The following IQCF5 variants were observed in gnomAD, a reference collection of about 807,000 sequenced individuals.
The protein encoded by IQCF5 is IQ domain-containing protein F5.
In IQCF5, 2 loss-of-function variants were observed where a neutral mutation model predicts 3.4. The ratio of observed to expected loss-of-function variants is 0.58; its 90% CI spans 0.24 to 1.84. IQCF5 has a LOEUF of 1.84. IQCF5 is among the 40% of genes most tolerant of loss of function. The pLI, the probability that IQCF5 is intolerant of heterozygous loss-of-function variation, is 0.17. For missense variants in IQCF5, 167 were observed against 191.6 expected (o/e 0.87, Z 0.76); for synonymous variants, 58 against 64.7 (o/e 0.90, Z 0.49).
chr3:51,875,358 C>A, intron 1 of IQCF5, 170 bp downstream of exon 1: 2 of 728,754 alleles, frequency 2.7e-6, no homozygotes, highest in Non-Finnish European at 4.8e-6. Flanking sequence ...TTCTAGACAG[C>A]TTCCTGGCTT....
In IQCF5 at chr3:51,873,915, G is replaced by C; in HGVS notation, c.265C>G (p.Arg89Gly). 6.4e-7 allele frequency: 1 copy of C among 1,551,798 alleles called. No individual in the cohort carries two copies. The highest frequency in any genetic ancestry group is 8.7e-7 in the Non-Finnish European group (1 of 1,147,042). The change falls in exon 2 of 2, where the codon CGT (arginine) becomes GGT (glycine). Residue 89 changes from arginine (R) to glycine (G), a missense_variant. By Grantham distance (125) the Arg-to-Gly change is moderately radical. Transcript: ENST00000446461. Reference protein sequence around the residue: ...RMWCVRQRYCRLLNAVRIIQV... With the variant: ...RMWCVRQRYCGLLNAVRIIQV... ...ATGATGCGGACAGCGTTGAGCAAAC[G>C]ACAGTAACGCTGGCGGACACACCAC...
intron 1 of IQCF5, chr3:51,875,234 C>T (rs11709079): frequency 9.9e-6 from 4 of 404,938 alleles, no homozygotes; most frequent in African/African-American, 6.2e-5. Context: ...GTTTAATGAT[C>T]ATTTAAAACA....
chr3:51,874,747 C>T, intron 1 of IQCF5: 1 of 286,234 alleles, frequency 3.5e-6, no homozygotes, highest in East Asian at 8.4e-5. Flanking sequence ...CTGCATTCCC[C>T]ACAGTCCCCA....
intron 1 of IQCF5, 44 bp from the exon 2 acceptor site, chr3:51,874,219 G>T: frequency 1.3e-6 from 2 of 1,518,534 alleles, no homozygotes; most frequent in Non-Finnish European, 1.8e-6. Flanking sequence ...CTAGGAAGGG[G>T]CCCTGATCCT....
intron 1 of IQCF5, chr3:51,875,275 G>C: frequency 5.5e-6 from 3 of 547,620 alleles, no homozygotes. Context: ...CAGAGTGTAT[G>C]GGGGGAAATA....
chr3:51,874,306 T>TC, intron 1 of IQCF5, 131 bp from the exon 2 acceptor site: 2 of 906,764 alleles, frequency 2.2e-6, no homozygotes, highest in East Asian at 2.6e-5. Context: ...CAGGTAGGTG[T>TC]CCCCCCTCTG....
chr3:51,875,392 G>A, intron 1 of IQCF5, 136 bp downstream of exon 1: 2 of 926,562 alleles, frequency 2.2e-6, no homozygotes, highest in Non-Finnish European at 3.4e-6. Flanking sequence ...AAACATGGAG[G>A]GGGGTCCTGT....
At chr3:51,875,417 G>A (rs1698785468) in intron 1 of IQCF5, 111 bp downstream of exon 1, 2 of 1,180,846 alleles carry the variant, frequency 1.7e-6, no homozygotes, top group East Asian at 5.1e-5. Context: ...AGTAACTGTG[G>A]GGAACTTACT....
intron 1 of IQCF5, chr3:51,875,025 G>A (rs893479527): frequency 5.4e-6 from 1 of 184,956 alleles, no homozygotes; most frequent in African/African-American, 2.4e-5. Flanking sequence ...AAATTACAGG[G>A]TCATAGATCT....
At chr3:51,874,313 T>G (rs1169357017) in intron 1 of IQCF5, 138 bp from the exon 2 acceptor site, 3 of 836,552 alleles carry the variant, frequency 3.6e-6, no homozygotes, top group Non-Finnish European at 5.9e-6. Flanking sequence ...GTGTCCCCCC[T>G]CTGCCACCCA....
chr3:51,874,290 G>A, intron 1 of IQCF5, 115 bp from the exon 2 acceptor site: 2 of 1,060,588 alleles, frequency 1.9e-6, no homozygotes, highest in Non-Finnish European at 2.8e-6. Flanking sequence ...GCTGAACCCA[G>A]GAGACCAGGT....
chr3:51,874,312 C>G, intron 1 of IQCF5, 137 bp from the exon 2 acceptor site: 2 of 835,352 alleles, frequency 2.4e-6, no homozygotes, highest in Non-Finnish European at 3.9e-6. Flanking sequence ...GGTGTCCCCC[C>G]TCTGCCACCC....
rs1387451410 is a variant in IQCF5, at chr3:51,873,729, C to T, written c.*4G>A. The T allele has an allele frequency of 6.5e-7, 1 of 1,543,648 alleles. No individual in the cohort carries two copies. Among genetic ancestry groups the T allele is most frequent in the Non-Finnish European group, 8.8e-7 (1 of 1,140,532 alleles). ...AGCTGGGGACACAGATATAGCAGAC[C>T]TGGTCATTCTTTTAATGGAAGGGGT... On this transcript the variant is annotated 3_prime_UTR_variant, in exon 2 of 2. Transcript: ENST00000446461.
chr3:51,873,900 C>T lies in IQCF5; in HGVS notation c.280G>A (p.Val94Ile). The T allele has an allele frequency of 6.4e-7, 1 of 1,551,788 alleles. No individual in the cohort carries two copies. The highest frequency in any genetic ancestry group is 8.7e-7 in the Non-Finnish European group (1 of 1,147,024). Residue 94 changes from valine (V) to isoleucine (I), a missense_variant, in exon 2 of 2, where the codon GTC becomes ATC. By Grantham distance (29) the Val-to-Ile change is conservative (BLOSUM62 3). Coordinates refer to ENST00000446461, the MANE Select transcript of IQCF5 (RefSeq NM_001145059.2). Reference protein sequence around the residue: ...RQRYCRLLNAVRIIQVYWRWH... With the variant: ...RQRYCRLLNAIRIIQVYWRWH... ...CGCCAATAGACCTGGATGATGCGGA[C>T]AGCGTTGAGCAAACGACAGTAACGC...
intron 1 of IQCF5, 133 bp downstream of exon 1, chr3:51,875,395 G>T: frequency 1.1e-6 from 1 of 936,778 alleles, no homozygotes; most frequent in Admixed American, 2.0e-5. Context: ...CATGGAGGGG[G>T]GTCCTGTCAT....
In IQCF5 at chr3:51,873,903, C is replaced by T. The variant is rs1443032276; in HGVS notation, c.277G>A (p.Ala93Thr). The T allele has an allele frequency of 3.2e-6, 5 of 1,551,656 alleles. No individual in the cohort carries two copies. Among genetic ancestry groups the T allele is most frequent in the African/African-American group, 1.4e-5 (1 of 73,064 alleles). The change falls in exon 2 of 2, where the codon GCT becomes ACT. Residue 93 changes from alanine (A) to threonine (T), a missense_variant. Ala to Thr is a moderately conservative substitution (Grantham distance 58, BLOSUM62 0). Transcript: ENST00000446461. ...VRQRYCRLLN[A>T]VRIIQVYWRW... ...CAATAGACCTGGATGATGCGGACAGCGTTGAGCAAACGACAGTAACGCTGG... is the reference window on the plus strand; with the variant it reads ...CAATAGACCTGGATGATGCGGACAGTGTTGAGCAAACGACAGTAACGCTGG...
At chr3:51,874,810 C>G (rs374214829) in intron 1 of IQCF5, 1 of 203,962 alleles carries the variant, frequency 4.9e-6, no homozygotes, top group African/African-American at 2.3e-5. Flanking sequence ...TGCCCCACTC[C>G]TGGCCACAGT....
Position 51,874,079 on chromosome 3 carries a change from G to T in IQCF5, c.101C>A (p.Ala34Glu), listed in dbSNP as rs574300905. 7.7e-6 allele frequency: 12 copies of T among 1,553,204 alleles called. No homozygotes were observed. The South Asian group carries it at 1.3e-4, about 17-fold the overall frequency. The change falls in exon 2 of 2, where the codon GCA (alanine) becomes GAA (glutamate). Residue 34 changes from alanine to glutamate, a missense_variant. Transcript: ENST00000446461. ...CTGAATGATCCAAGCCCTGAGGGCT[G>T]CATGCAGCAGTGTGCGTCGCACCAG... is the stretch of plus-strand genomic sequence containing the variant. Reference protein sequence around the residue: ...GMLVRRTLLHAALRAWIIQCW... With the variant: ...GMLVRRTLLHEALRAWIIQCW...
rs1416718086 is a variant in IQCF5, at chr3:51,873,942, T to C, written c.238A>G (p.Met80Val). 6.4e-7 allele frequency: 1 copy of C among 1,551,746 alleles called. No individual in the cohort carries two copies. The highest frequency in any genetic ancestry group is 8.7e-7 in the Non-Finnish European group (1 of 1,147,068). The change falls in exon 2 of 2, where the codon ATG (methionine) becomes GTG (valine). Residue 80 changes from methionine to valine, a missense_variant. By Grantham distance (21) the Met-to-Val change is conservative. Transcript: ENST00000446461. Reference protein sequence around the residue: ...AAVRLQSWVRMWCVRQRYCRL... With the variant: ...AAVRLQSWVRVWCVRQRYCRL... ...CAGTAACGCTGGCGGACACACCACATGCGGACCCAGGACTGCAGCCTGACT... is the reference window on the plus strand; with the variant it reads ...CAGTAACGCTGGCGGACACACCACACGCGGACCCAGGACTGCAGCCTGACT...
Sources: gnomAD v4.1 joint callset for allele counts on GRCh38, gnomAD v4.1.1 for gene constraint, MANE v1.5 for transcripts, NCBI Gene and HGNC (gene_info 2026-07-23, HGNC 2026-07-21) for gene names.